PRR14L: variants seen among roughly 807,000 people sequenced by gnomAD.
PRR14L encodes protein PRR14L.
A neutral mutation model predicts 155.0 loss-of-function variants in PRR14L; 80 were observed. That is an observed-to-expected ratio of 0.52 (90% CI 0.43 to 0.62). The LOEUF (loss-of-function observed/expected upper bound fraction) is 0.62, where lower values mean the gene tolerates loss of function less well. PRR14L is among the 20% of genes least tolerant of loss of function. The probability of loss-of-function intolerance (pLI) is 0.00; values close to 1 mark genes in which losing one functional copy is unlikely to be tolerated. For missense variants in PRR14L, 2,469 were observed against 2,548.0 expected, an observed-to-expected ratio of 0.97 and a Z score of 0.67; for synonymous variants, 883 against 916.0, an observed-to-expected ratio of 0.96 and a Z score of 0.65.
rs1433167060 is a variant in PRR14L at position 31,682,971 on chromosome 22, T to C, written c.*2556A>G. 1 of 152,194 alleles carries C rather than the reference T, an allele frequency of 6.6e-6. No individual in the cohort carries two copies. Among genetic ancestry groups the C allele is most frequent in the East Asian group, 1.9e-4 (1 of 5,200 alleles). The allele number at this position is 152,194 out of a possible 1,614,324, so 9.4% of individuals were successfully genotyped here. On this transcript the variant is annotated 3_prime_UTR_variant, in exon 9 of 9. Transcript: ENST00000327423. ...GCTGAGCGCAGCTGGAGCCTAGGTA[T>C]ATACATCACCTTCAGGTAAGTAATT...
At chr22:31,736,672 A>G (rs577114674) in intron 2 of PRR14L, among the ~76,000 whole-genome samples, 6 of 152,274 alleles carry the variant, frequency 3.9e-5, no homozygotes, top group African/African-American at 1.4e-4. Context: ...ATTGGAATAC[A>G]GCCACATTCA....
rs546630065 is a variant in PRR14L, at chr22:31,713,211, T to G, written c.4628A>C (p.Lys1543Thr). 10 of 1,551,838 alleles carry G rather than the reference T, an allele frequency of 6.4e-6. No homozygotes were observed. In the South Asian group the frequency reaches 1.2e-4, roughly 18 times the overall value. ...EQIIVGRKIG[K>T]IRSSAFLKSS... ...CTTTAAAAAGGCAGAACTTCTGATT[T>G]TACCTATTTTTCTCCCAACAATGAT... Residue 1543 changes from lysine (K) to threonine (T), a missense_variant, in exon 4 of 9, where the codon AAA becomes ACA. Physicochemically the swap from Lys to Thr is moderately conservative, Grantham distance 78. Transcript: ENST00000327423.
Position 31,731,560 on chromosome 22 carries a change from T to A in PRR14L, c.475-5950A>T, listed in dbSNP as rs552426505. 3.1e-3 allele frequency among the ~76,000 whole-genome samples: 317 copies of A among 103,228 alleles called. 5 individuals are homozygous for A. The highest frequency in any genetic ancestry group is 0.031 in the South Asian group (92 of 2,998). 67.7% of individuals were successfully genotyped at this position (103,228 alleles called of 152,430 possible). On this transcript the variant is annotated intron_variant, in intron 2 of 8. Transcript: ENST00000327423. Reference sequence around the variant, plus strand: ...TCCAGCCTGCGTGACAGAGTGAGACTGTCTCAAAAAAAAAAAAAAAAAAAA... The same window carrying A: ...TCCAGCCTGCGTGACAGAGTGAGACAGTCTCAAAAAAAAAAAAAAAAAAAA...
intron 7 of PRR14L, among the ~76,000 whole-genome samples, chr22:31,691,825 G>A (rs2074513213): frequency 1.3e-5 from 2 of 151,406 alleles, no homozygotes; most frequent in African/African-American, 2.4e-5. Context: ...TAATGCTGCT[G>A]TGAATATTCA....
intron 1 of PRR14L, among the ~76,000 whole-genome samples, chr22:31,748,864 C>T (rs2074855047): frequency 6.6e-6 from 1 of 152,094 alleles, no homozygotes; most frequent in African/African-American, 2.4e-5. Context: ...GTGAGGCCCT[C>T]TTTGTTAATT....
chr22:31,685,335 T>TC lies in PRR14L; in HGVS notation c.*191dup, dbSNP rs2074476912. ...ACTCAGCAGTAAAAGTAGAGGACCC[T>TC]CCTTCACCAGTTTCTAAAAAGGTTG... On this transcript the variant is annotated 3_prime_UTR_variant, in exon 9 of 9. Transcript: ENST00000327423. 2 of 580,842 alleles carry TC rather than the reference T, an allele frequency of 3.4e-6. No homozygotes were observed. Among genetic ancestry groups the TC allele is most frequent in the Non-Finnish European group, 6.1e-6 (2 of 330,522 alleles). The allele number at this position is 580,842 out of a possible 1,614,324, so 36.0% of individuals were successfully genotyped here. A position where few individuals can be genotyped will look rare whatever the true frequency, so the allele number is the denominator to read the frequency against.
rs1041965994 is a variant in PRR14L, at chr22:31,715,746, G to A, written c.2093C>T (p.Ala698Val). ...QSHHPPLEGR[A>V]DVIADIQTIP... is the part of the protein sequence containing the mutation. The stretch of plus-strand genomic sequence containing the variant: ...GGTTTGTATATCAGCAATGACATCT[G>A]CTCTACCCTCTAATGGAGGGTGATG... Residue 698 changes from alanine (A) to valine (V), a missense_variant, in exon 4 of 9, where the codon GCA becomes GTA. Physicochemically the swap from Ala to Val is moderately conservative, Grantham distance 64. This residue lies in a region of PRR14L where 2,363 missense variants were observed against 2,371.6 expected (regional missense o/e 1.00). Transcript: ENST00000327423. 14 of 1,551,842 alleles carry A rather than the reference G, an allele frequency of 9.0e-6. No individual in the cohort carries two copies. The highest frequency in any genetic ancestry group is 8.2e-5 in the African/African-American group (6 of 73,032).
intron 4 of PRR14L, among the ~76,000 whole-genome samples, chr22:31,705,226 A>C (rs2074583806): frequency 6.6e-6 from 1 of 152,184 alleles, no homozygotes; most frequent in Non-Finnish European, 1.5e-5. Flanking sequence ...GCACCACTGC[A>C]CTTCAGCCTG....
intron 2 of PRR14L, among the ~76,000 whole-genome samples, chr22:31,732,664 G>C (rs1392920832): frequency 6.6e-6 from 1 of 152,156 alleles, no homozygotes; most frequent in Non-Finnish European, 1.5e-5. Context: ...CCCTTTTGCT[G>C]ATTTTCTTTG....
At position 31,703,620 on chromosome 22, in the gene PRR14L, C is replaced by T. The variant is rs746963650; in HGVS notation, c.5930G>A (p.Gly1977Glu). The change falls in exon 6 of 9, where the codon GGA becomes GAA. Residue 1977 changes from glycine (G) to glutamate (E), a missense_variant. Gly to Glu is a moderately conservative substitution (Grantham distance 98). Around this residue, in one of 2 missense-constraint regions of PRR14L, gnomAD observed 2,363 missense variants for 2,371.6 expected, o/e 1.00. Transcript: ENST00000327423. ...TTTCACACCATCCAGCTCATCCAATCCACGAACCTGGAACTCAGAGGCTGA... is the reference window on the plus strand; with the variant it reads ...TTTCACACCATCCAGCTCATCCAATTCACGAACCTGGAACTCAGAGGCTGA... ...LLSASEFQVR[G>E]LDELDGVKAA... 6 of 1,613,884 alleles carry T rather than the reference C, an allele frequency of 3.7e-6. No homozygotes were observed. The highest frequency in any genetic ancestry group is 2.2e-5 in the East Asian group (1 of 44,854).
intron 2 of PRR14L, among the ~76,000 whole-genome samples, chr22:31,736,911 G>A (rs1006028771): frequency 2.6e-5 from 4 of 151,456 alleles, no homozygotes; most frequent in Non-Finnish European, 5.9e-5. Flanking sequence ...GGTGGCCAGC[G>A]CCTGTAATCC....
At chr22:31,691,222 C>T (rs1159958228) in intron 7 of PRR14L, among the ~76,000 whole-genome samples, 5 of 152,144 alleles carry the variant, frequency 3.3e-5, no homozygotes, top group Non-Finnish European at 5.9e-5. Flanking sequence ...CCACCTCGGC[C>T]TCCCATAGTG....
chr22:31,730,399 G>A (rs1344212286), intron 2 of PRR14L, among the ~76,000 whole-genome samples: 2 of 152,140 alleles, frequency 1.3e-5, no homozygotes, highest in Non-Finnish European at 2.9e-5. Context: ...AGCTGAGATC[G>A]TGCCACTGCA....
Position 31,741,202 on chromosome 22 carries a change from G to A in PRR14L, c.-51-2291C>T, listed in dbSNP as rs557215329. Among the ~76,000 whole-genome samples, 10 of 142,078 alleles carry A rather than the reference G, an allele frequency of 7.0e-5. No individual in the cohort carries two copies. The South Asian group carries it at 1.6e-3, about 22-fold the overall frequency. The allele number at this position is 142,078 out of a possible 152,430, so 93.2% of individuals were successfully genotyped here. A position where few individuals can be genotyped will look rare whatever the true frequency, so the allele number is the denominator to read the frequency against. ...CGGGAGGCGGAGCTTGCAGTGAGCC[G>A]AGATTGCGCCACTGCACTCCAGCCT... On this transcript the variant is annotated intron_variant, in intron 1 of 8. Transcript: ENST00000327423.
At chr22:31,689,327 T>TA (rs1032373497) in intron 7 of PRR14L, among the ~76,000 whole-genome samples, 106 of 152,046 alleles carry the variant, frequency 7.0e-4, no homozygotes, top group African/African-American at 2.4e-3. Flanking sequence ...TATACAAAAT[T>TA]AAAAAATAAA....
At chr22:31,743,126 C>T (rs897849226) in intron 1 of PRR14L, among the ~76,000 whole-genome samples, 2 of 152,074 alleles carry the variant, frequency 1.3e-5, no homozygotes, top group Admixed American at 1.3e-4. Context: ...CACGGTGACA[C>T]CCCGTCTCTA....
chr22:31,687,821 A>T (rs1352110055), intron 8 of PRR14L, among the ~76,000 whole-genome samples: 2 of 151,106 alleles, frequency 1.3e-5, no homozygotes, highest in African/African-American at 4.9e-5. Context: ...AGGCAGGCGG[A>T]TCACGAGGTC....
intron 7 of PRR14L, among the ~76,000 whole-genome samples, chr22:31,697,371 G>A (rs2074540404): frequency 6.6e-6 from 1 of 151,660 alleles, no homozygotes. Context: ...GTATCTCATG[G>A]AAAGGAGTTG....
At chr22:31,729,088 G>A (rs2074733996) in intron 2 of PRR14L, among the ~76,000 whole-genome samples, 1 of 152,200 alleles carries the variant, frequency 6.6e-6, no homozygotes, top group Admixed American at 6.6e-5. Flanking sequence ...GTTCAGAACT[G>A]AATACATTCT....
Sources: gnomAD v4.1 joint callset for allele counts (sites outside exome capture counted in the v4.1 genomes callset) on GRCh38, gnomAD v4.1.1 for gene constraint, gnomAD v4.1.1 regional missense constraint, MANE v1.5 for transcripts, NCBI Gene and HGNC (gene_info 2026-07-23, HGNC 2026-07-21) for gene names.